Variants in CENPC observed in about 807,000 individuals in gnomAD.
CENPC encodes the protein centromere protein C.
A neutral mutation model predicts 112.1 loss-of-function variants in CENPC; 63 were observed. The ratio of observed to expected loss-of-function variants is 0.56; its 90% CI spans 0.46 to 0.69. The LOEUF is 0.69. Ranked by LOEUF, CENPC falls within the 30% of genes least tolerant of loss-of-function variation. The probability of loss-of-function intolerance (pLI) is 0.00; values close to 1 mark genes in which losing one functional copy is unlikely to be tolerated. For missense variants in CENPC, 1,000 were observed against 1,103.8 expected, an observed-to-expected ratio of 0.91 and a Z score of 1.33; for synonymous variants, 333 against 367.6, an observed-to-expected ratio of 0.91 and a Z score of 1.08.
chr4:67,506,834 A>T lies in CENPC; in HGVS notation c.2005T>A (p.Ser669Thr). 1 of 1,611,576 alleles carries T rather than the reference A, an allele frequency of 6.2e-7. No individual in the cohort carries two copies. Among genetic ancestry groups the T allele is most frequent in the Admixed American group, 1.7e-5 (1 of 59,738 alleles). ...TTATGCTCTCCAGAATCCAAGTTTGACTCTGTTGGTATATTACATGTATAT... is the reference window on the plus strand; with the variant it reads ...TTATGCTCTCCAGAATCCAAGTTTGTCTCTGTTGGTATATTACATGTATAT... ...SGYTCNIPTE[S>T]NLDSGEHKTS... The change falls in exon 11 of 19, where the codon TCA (serine) becomes ACA (threonine). Residue 669 changes from serine to threonine, a missense_variant. Ser to Thr is a moderately conservative substitution (Grantham distance 58, BLOSUM62 1). Transcript: ENST00000273853.
chr4:67,493,994 A>C lies in CENPC; in HGVS notation c.2186-6T>G. The C allele has an allele frequency of 6.3e-7, 1 of 1,592,152 alleles. No individual in the cohort carries two copies. Among genetic ancestry groups the C allele is most frequent in the Non-Finnish European group, 8.6e-7 (1 of 1,165,274 alleles). On this transcript the variant is annotated splice_polypyrimidine_tract_variant and splice_region_variant and intron_variant, in intron 13 of 18. Transcript: ENST00000273853. The stretch of plus-strand genomic sequence containing the variant: ...TGGTGTGTTGGAGGGCAATACTATA[A>C]AAAGATGTCAGACAAAAGTGTATAC...
chr4:67,475,828 A>G (rs542264109), intron 17 of CENPC, among the ~76,000 whole-genome samples: 1 of 152,188 alleles, frequency 6.6e-6, no homozygotes, highest in Non-Finnish European at 1.5e-5. Flanking sequence ...TGACCTGGTG[A>G]TCTGCCCGCC....
At chr4:67,518,119 G>A in intron 7 of CENPC, 37 bp downstream of exon 7, 3 of 1,176,842 alleles carry the variant, frequency 2.5e-6, no homozygotes, top group Non-Finnish European at 3.6e-6. Flanking sequence ...GAATATAAAA[G>A]AAAAATGTCT....
At chr4:67,504,339 G>A (rs1335164925) in intron 12 of CENPC, among the ~76,000 whole-genome samples, 1 of 151,834 alleles carries the variant, frequency 6.6e-6, no homozygotes, top group Non-Finnish European at 1.5e-5. Context: ...GAAAAACACA[G>A]AAAGCATTCA....
intron 17 of CENPC, among the ~76,000 whole-genome samples, chr4:67,488,689 A>G (rs1725156724): frequency 6.6e-6 from 1 of 151,964 alleles, no homozygotes; most frequent in Non-Finnish European, 1.5e-5. Flanking sequence ...ATGATAATTC[A>G]TGTTTATCCT....
chr4:67,508,849 T>C lies in CENPC; in HGVS notation c.1869A>G (p.Ala623=). Residue 623 remains alanine, a synonymous_variant, in exon 10 of 19, where the codon GCA becomes GCG. Transcript: ENST00000273853. The part of the protein sequence containing the change: ...SLSEPLESDE[A]DLAKKKNLDC... ...CAAGATTTTTCTTCTTAGCCAAGTC[T>C]GCCTCATCACTTTCCAATGGCTCAC... 6.2e-7 allele frequency: 1 copy of C among 1,613,606 alleles called. No individual in the cohort carries two copies. The highest frequency in any genetic ancestry group is 8.5e-7 in the Non-Finnish European group (1 of 1,179,706).
chr4:67,515,744 T>A (rs1726042219), intron 7 of CENPC, among the ~76,000 whole-genome samples: 1 of 151,974 alleles, frequency 6.6e-6, no homozygotes, highest in African/African-American at 2.4e-5. Context: ...TTTCATATTA[T>A]AATCATGGTA....
chr4:67,516,285 G>A (rs1327444749), intron 7 of CENPC, among the ~76,000 whole-genome samples: 1 of 151,866 alleles, frequency 6.6e-6, no homozygotes, highest in African/African-American at 2.4e-5. Flanking sequence ...TTCCCTGATT[G>A]TTTTAATAGC....
At chr4:67,536,669 A>C (rs1382365260) in intron 4 of CENPC, among the ~76,000 whole-genome samples, 3 of 152,100 alleles carry the variant, frequency 2.0e-5, no homozygotes, top group Non-Finnish European at 4.4e-5. Context: ...CCTACCTGAA[A>C]AAAAAACCCT....
At chr4:67,474,454 A>G (rs1159910193) in intron 18 of CENPC, among the ~76,000 whole-genome samples, 1 of 152,120 alleles carries the variant, frequency 6.6e-6, no homozygotes, top group African/African-American at 2.4e-5. Context: ...CTGTAATCAT[A>G]GCACTTTGGA....
At chr4:67,491,523 A>AGAGAGAGC in intron 16 of CENPC, among the ~76,000 whole-genome samples, 1 of 132,744 alleles carries the variant, frequency 7.5e-6, no homozygotes, top group South Asian at 2.5e-4. Flanking sequence ...AGAGAGAGAG[A>AGAGAGAGC]GAGAGCCTGG....
chr4:67,481,068 T>C (rs1010141301), intron 17 of CENPC, among the ~76,000 whole-genome samples: 5 of 152,208 alleles, frequency 3.3e-5, no homozygotes, highest in African/African-American at 1.2e-4. Flanking sequence ...AAAAAGTTCC[T>C]AGATCTGATA....
Position 67,514,657 on chromosome 4 carries a change from T to C in CENPC, c.861A>G (p.Pro287=). Residue 287 remains proline, a synonymous_variant, in exon 8 of 19, where the codon CCA becomes CCG. Coordinates refer to ENST00000273853, the MANE Select transcript of CENPC (RefSeq NM_001812.4). ...SPIVRHAATA[P]PHSCPPDDTK... The stretch of plus-strand genomic sequence containing the variant: ...TATCATCGGGAGGACACGAATGAGG[T>C]GGAGCAGTTGCCGCATGCCTAACAA... 1 of 1,608,262 alleles carries C rather than the reference T, an allele frequency of 6.2e-7. No homozygotes were observed. Among genetic ancestry groups the C allele is most frequent in the Non-Finnish European group, 8.5e-7 (1 of 1,177,572 alleles).
At chr4:67,508,754 C>T in intron 10 of CENPC, 60 bp downstream of exon 10, 1 of 1,502,582 alleles carries the variant, frequency 6.7e-7, no homozygotes. Context: ...GACTAAATAG[C>T]ACAAATTATT....
rs753215737 is a variant in CENPC, at chr4:67,519,330, A to G, written c.504T>C (p.Ser168=). The G allele has an allele frequency of 6.2e-7, 1 of 1,612,830 alleles. No individual in the cohort carries two copies. The highest frequency in any genetic ancestry group is 1.3e-5 in the African/African-American group (1 of 74,904). ...TAGATGGAATAACATTTTGTGATAC[A>G]GATGTTTTTGCATCCAAAAGAACAG... ...SPSVLLDAKT[S]VSQNVIPSSA... is the part of the protein sequence containing the mutation. The change falls in exon 6 of 19, where the codon TCT becomes TCC. Residue 168 remains serine, a synonymous_variant. Coordinates refer to ENST00000273853, the MANE Select transcript of CENPC (RefSeq NM_001812.4).
intron 17 of CENPC, among the ~76,000 whole-genome samples, chr4:67,481,294 G>A (rs917415049): frequency 2.0e-5 from 3 of 152,118 alleles, no homozygotes; most frequent in Non-Finnish European, 4.4e-5. Context: ...GCTCATGGAT[G>A]GGTAGAACCA....
chr4:67,531,708 G>A (rs1309960594), intron 4 of CENPC, among the ~76,000 whole-genome samples: 1 of 152,170 alleles, frequency 6.6e-6, no homozygotes, highest in Non-Finnish European at 1.5e-5. Flanking sequence ...CACTGCTGAA[G>A]GGAATGAGTA....
At chr4:67,489,480 T>C (rs2109773311) in intron 17 of CENPC, among the ~76,000 whole-genome samples, 1 of 152,224 alleles carries the variant, frequency 6.6e-6, no homozygotes, top group Non-Finnish European at 1.5e-5. Context: ...TATTTACTTT[T>C]TTCTCAGGTT....
At chr4:67,504,468 C>T (rs2109791921) in intron 12 of CENPC, among the ~76,000 whole-genome samples, 1 of 152,100 alleles carries the variant, frequency 6.6e-6, no homozygotes, top group Non-Finnish European at 1.5e-5. Context: ...TTTTTAGGAG[C>T]ATGAAAAAAT....
Sources: allele counts gnomAD v4.1 joint callset (sites outside exome capture counted in the v4.1 genomes callset), GRCh38; gene constraint gnomAD v4.1.1; transcripts MANE v1.5; gene names NCBI Gene and HGNC (gene_info 2026-07-23, HGNC 2026-07-21).